Variants in DCC observed in about 807,000 individuals in gnomAD.
DCC encodes the protein netrin receptor DCC.
A neutral mutation model predicts 172.5 loss-of-function variants in DCC; 58 were observed. The observed-to-expected ratio is 0.34, with a 90% CI of 0.27 to 0.42. DCC has a LOEUF of 0.42. DCC is among the 10% of genes least tolerant of loss of function. The pLI, the probability that DCC is intolerant of heterozygous loss-of-function variation, is 1.00. For missense variants in DCC, 1,740 were observed against 1,791.0 expected (o/e 0.97, Z 0.51); for synonymous variants, 709 against 644.5 (o/e 1.10, Z -1.52).
At chr18:53,468,362 AT>A (rs67940776) in intron 25 of DCC, among the ~76,000 whole-genome samples, 1,238 of 10,776 alleles carry the variant, frequency 0.11, 23 homozygotes, top group Middle Eastern at 0.15. Flanking sequence ...TTATTTATTT[AT>A]TTTATTTATT....
chr18:52,522,200 A>G (rs2031841177), intron 1 of DCC, among the ~76,000 whole-genome samples: 1 of 152,226 alleles, frequency 6.6e-6, no homozygotes, highest in South Asian at 2.1e-4. Context: ...CCATGGCAGT[A>G]TCTACCTGTA....
chr18:53,017,382 C>T (rs2041824081), intron 5 of DCC, among the ~76,000 whole-genome samples: 1 of 152,120 alleles, frequency 6.6e-6, no homozygotes, highest in East Asian at 1.9e-4. Flanking sequence ...ATAATTTAAG[C>T]AAGAAATGTC....
intron 2 of DCC, among the ~76,000 whole-genome samples, chr18:52,843,896 G>C (rs981564193): frequency 2.0e-5 from 3 of 152,134 alleles, no homozygotes; most frequent in Admixed American, 2.0e-4. Flanking sequence ...ACTGTGGGCT[G>C]ACTCATTTTT....
chr18:52,456,254 T>C, intron 1 of DCC, among the ~76,000 whole-genome samples: 1 of 152,190 alleles, frequency 6.6e-6, no homozygotes, highest in South Asian at 2.1e-4. Context: ...CTTATAGTGA[T>C]TATTATTGCT....
intron 21 of DCC, among the ~76,000 whole-genome samples, chr18:53,422,648 T>C (rs1910695516): frequency 6.6e-6 from 1 of 152,188 alleles, no homozygotes; most frequent in South Asian, 2.1e-4. Context: ...ATCTCATGAA[T>C]AAACAGAATG....
intron 5 of DCC, among the ~76,000 whole-genome samples, chr18:53,044,004 G>T (rs996737972): frequency 6.6e-6 from 1 of 151,814 alleles, no homozygotes; most frequent in African/African-American, 2.4e-5. Flanking sequence ...ATGGGTAATG[G>T]CACTGACAGC....
chr18:52,977,408 G>A (rs2041136101), intron 5 of DCC, among the ~76,000 whole-genome samples: 1 of 152,114 alleles, frequency 6.6e-6, no homozygotes, highest in African/African-American at 2.4e-5. Flanking sequence ...CCAGGGTGAT[G>A]CCAATGCACA....
intron 1 of DCC, among the ~76,000 whole-genome samples, chr18:52,450,842 C>T (rs141862275): frequency 6.6e-6 from 1 of 152,248 alleles, no homozygotes; most frequent in East Asian, 1.9e-4. Flanking sequence ...AGACTATGCT[C>T]TGCAGGTCAG....
chr18:53,376,780 C>A (rs1907319887), intron 15 of DCC, among the ~76,000 whole-genome samples: 1 of 152,176 alleles, frequency 6.6e-6, no homozygotes, highest in African/African-American at 2.4e-5. Flanking sequence ...AATATCTTTT[C>A]TCCCCTCTTG....
At chr18:52,657,465 A>T (rs2035278484) in intron 1 of DCC, among the ~76,000 whole-genome samples, 1 of 152,178 alleles carries the variant, frequency 6.6e-6, no homozygotes, top group African/African-American at 2.4e-5. Flanking sequence ...TGATCACTGT[A>T]TTATATTAAT....
At chr18:53,294,297 A>G (rs1448170545) in intron 12 of DCC, among the ~76,000 whole-genome samples, 1 of 152,222 alleles carries the variant, frequency 6.6e-6, no homozygotes, top group Non-Finnish European at 1.5e-5. Context: ...ATGAACAGGC[A>G]TGGAGTTCAG....
At chr18:52,856,532 T>A (rs972137760) in intron 2 of DCC, among the ~76,000 whole-genome samples, 1 of 142,608 alleles carries the variant, frequency 7.0e-6, no homozygotes, top group African/African-American at 2.6e-5. Context: ...AAGCTGAGGC[T>A]GGAGGATGGC....
intron 1 of DCC, among the ~76,000 whole-genome samples, chr18:52,631,490 A>T (rs2034674697): frequency 1.3e-5 from 2 of 152,100 alleles, no homozygotes; most frequent in Non-Finnish European, 2.9e-5. Context: ...CCTTTTCTTC[A>T]CCCAGCCTTG....
chr18:52,809,767 G>A (rs1482438838), intron 2 of DCC, among the ~76,000 whole-genome samples: 1 of 152,176 alleles, frequency 6.6e-6, no homozygotes, highest in Non-Finnish European at 1.5e-5. Context: ...CCCATACAAT[G>A]AGAGGGGACC....
chr18:53,403,491 C>A (rs1373764765), intron 19 of DCC, among the ~76,000 whole-genome samples: 1 of 152,130 alleles, frequency 6.6e-6, no homozygotes, highest in Non-Finnish European at 1.5e-5. Flanking sequence ...CTAATTAAAG[C>A]ATCCATTAGA....
At chr18:53,453,245 C>T (rs906104469) in intron 23 of DCC, among the ~76,000 whole-genome samples, 1 of 152,080 alleles carries the variant, frequency 6.6e-6, no homozygotes, top group African/African-American at 2.4e-5. Context: ...TTATTTGTTC[C>T]ATTGAGGACC....
chr18:53,195,282 T>A (rs1431830047), intron 9 of DCC, among the ~76,000 whole-genome samples: 11 of 152,220 alleles, frequency 7.2e-5, no homozygotes. Context: ...ACAATTCATT[T>A]GAAAATTAGA....
chr18:53,514,060 A>T (rs113463248), intron 27 of DCC, among the ~76,000 whole-genome samples: 6,896 of 152,258 alleles, frequency 0.045, 224 homozygotes, highest in Non-Finnish European at 0.062. Context: ...ACTTGGAAGT[A>T]AAGCTCTCCT....
At chr18:53,031,732 T>G (rs1312731053) in intron 5 of DCC, among the ~76,000 whole-genome samples, 1 of 152,144 alleles carries the variant, frequency 6.6e-6, no homozygotes, top group African/African-American at 2.4e-5. Context: ...AATAATTTCT[T>G]CAGTTGGCTA....
Sources: allele counts gnomAD v4.1 joint callset (sites outside exome capture counted in the v4.1 genomes callset), GRCh38; gene constraint gnomAD v4.1.1; transcripts MANE v1.5; gene names NCBI Gene and HGNC (gene_info 2026-07-23, HGNC 2026-07-21).